The following GOLGA1 variants were observed in gnomAD, a reference collection of about 807,000 sequenced individuals.
The protein encoded by GOLGA1 is golgin A1, also known as golgin subfamily A member 1.
In GOLGA1, 63 loss-of-function variants were observed where a neutral mutation model predicts 119.7. That is an observed-to-expected ratio of 0.53 (90% CI 0.43 to 0.65). The LOEUF (loss-of-function observed/expected upper bound fraction) is 0.65. GOLGA1 is among the 30% of genes least tolerant of loss of function. The pLI is 0.00. For missense variants in GOLGA1, 798 were observed against 912.8 expected (o/e 0.87, Z 1.62); for synonymous variants, 318 against 333.4 (o/e 0.95, Z 0.50).
chr9:124,905,806 C>T (rs934530507), intron 12 of GOLGA1, among the ~76,000 whole-genome samples: 1 of 152,052 alleles, frequency 6.6e-6, no homozygotes, highest in African/African-American at 2.4e-5. Context: ...TCTAGAATAA[C>T]CAGAAATAAC....
rs1370730077 is a variant in GOLGA1, at chr9:124,879,832, A to T, written c.*698T>A. On this transcript the variant is annotated 3_prime_UTR_variant, in exon 23 of 23. Transcript: ENST00000373555. ...CCAGCAACCTATCCAAGACAAGTACATTCATTAAAAAGGCAATTGAGTGTA... is the reference window on the plus strand; with the variant it reads ...CCAGCAACCTATCCAAGACAAGTACTTTCATTAAAAAGGCAATTGAGTGTA... The T allele has an allele frequency of 6.6e-6, 1 of 152,646 alleles. No homozygotes were observed. Among genetic ancestry groups the T allele is most frequent in the Non-Finnish European group, 1.5e-5 (1 of 68,046 alleles). The allele number at this position is 152,646 out of a possible 1,614,324, so 9.5% of individuals were successfully genotyped here.
chr9:124,889,525 C>G lies in GOLGA1; in HGVS notation c.1509G>C (p.Leu503=). The change falls in exon 17 of 23, where the codon CTG becomes CTC. Residue 503 remains leucine (L), a synonymous_variant. Coordinates refer to ENST00000373555, the MANE Select transcript of GOLGA1 (RefSeq NM_002077.4). Reference sequence around the variant, plus strand: ...GTTCCTTCTCGTCTATTATGGCTGTCAGGTTAGCTGCCTTGGAGAGAAAAA... The same window carrying G: ...GTTCCTTCTCGTCTATTATGGCTGTGAGGTTAGCTGCCTTGGAGAGAAAAA... ...REEFQQQAAN[L]TAIIDEKEQN... The G allele has an allele frequency of 6.2e-7, 1 of 1,611,332 alleles. No individual in the cohort carries two copies. The highest frequency in any genetic ancestry group is 8.5e-7 in the Non-Finnish European group (1 of 1,177,424).
chr9:124,928,499 T>C (rs1830713906), intron 5 of GOLGA1, among the ~76,000 whole-genome samples: 1 of 152,214 alleles, frequency 6.6e-6, no homozygotes, highest in African/African-American at 2.4e-5. Flanking sequence ...TTATCGTTTT[T>C]GTTTTTTGTA....
intron 2 of GOLGA1, among the ~76,000 whole-genome samples, chr9:124,939,228 T>C (rs1387266749): frequency 1.3e-5 from 2 of 152,194 alleles, no homozygotes; most frequent in Non-Finnish European, 2.9e-5. Flanking sequence ...CATATATTCA[T>C]GACTTAATGA....
chr9:124,926,081 G>A (rs968545228), intron 7 of GOLGA1, among the ~76,000 whole-genome samples: 5 of 152,116 alleles, frequency 3.3e-5, no homozygotes, highest in African/African-American at 4.8e-5. Context: ...ACCGCAGCAG[G>A]AAAGAGACGG....
intron 3 of GOLGA1, among the ~76,000 whole-genome samples, chr9:124,932,999 C>T (rs1830799963): frequency 6.6e-6 from 1 of 151,880 alleles, no homozygotes. Context: ...TTTTTGGAGA[C>T]ATACATTCAG....
chr9:124,889,482 T>C lies in GOLGA1; in HGVS notation c.1552A>G (p.Thr518Ala), dbSNP rs1048803619. 11 of 1,613,738 alleles carry C rather than the reference T, an allele frequency of 6.8e-6. No homozygotes were observed. In the African/African-American group the frequency reaches 1.1e-4, roughly 16 times the overall value. ...DEKEQNLREK[T>A]EVLLQKEQEI... ...TGCTCTTTCTGGAGAAGCACTTCGG[T>C]TTTTTCCCGCAGATTCTGTTCCTTC... The change falls in exon 17 of 23, where the codon ACC (threonine) becomes GCC (alanine). Residue 518 changes from threonine to alanine, a missense_variant. By Grantham distance (58) the Thr-to-Ala change is moderately conservative. Transcript: ENST00000373555.
chr9:124,889,652 G>A (rs752120885), intron 16 of GOLGA1, 116 bp from the exon 17 acceptor site: 10 of 764,230 alleles, frequency 1.3e-5, no homozygotes, highest in Non-Finnish European at 1.9e-5. Context: ...TGAAGTCCAC[G>A]ACCCAGAGCA....
intron 12 of GOLGA1, among the ~76,000 whole-genome samples, chr9:124,903,376 G>T (rs1047533996): frequency 2.2e-4 from 34 of 152,036 alleles, no homozygotes; most frequent in African/African-American, 8.2e-4. Flanking sequence ...TACTCAGAAG[G>T]CTTAGGCACA....
At chr9:124,887,443 A>G (rs1378021766) in intron 19 of GOLGA1, 2 of 151,864 alleles carry the variant, frequency 1.3e-5, no homozygotes, top group Non-Finnish European at 2.9e-5. Flanking sequence ...TCACTGAGAC[A>G]CACATTTGTT....
rs1167530408 is a variant in GOLGA1, at chr9:124,889,127, T to G, written c.1761+16A>C. 5.6e-6 allele frequency: 9 copies of G among 1,593,740 alleles called. No homozygotes were observed. The highest frequency in any genetic ancestry group is 7.7e-6 in the Non-Finnish European group (9 of 1,167,838). On this transcript the variant is annotated intron_variant, in intron 18 of 22. Transcript: ENST00000373555. ...CATCTTGCTGTAGCACCCATGCAGG[T>G]GCAGCTGGGACTTACGTGCGACTCA...
chr9:124,916,335 A>G (rs1309399291), intron 10 of GOLGA1, among the ~76,000 whole-genome samples: 4 of 152,064 alleles, frequency 2.6e-5, no homozygotes, highest in Non-Finnish European at 4.4e-5. Flanking sequence ...AAAAGAATTA[A>G]AGTAAAATTT....
chr9:124,898,641 G>T lies in GOLGA1; in HGVS notation c.1315C>A (p.Gln439Lys). Residue 439 changes from glutamine to lysine, a missense_variant, in exon 15 of 23, where the codon CAA (glutamine) becomes AAA (lysine). Coordinates refer to ENST00000373555, the MANE Select transcript of GOLGA1 (RefSeq NM_002077.4). ...AGGGCTGCATTTTCTTGCTCCAGTTGTCTCTGCCAATTCAGAAGAACACAT... is the reference window on the plus strand; with the variant it reads ...AGGGCTGCATTTTCTTGCTCCAGTTTTCTCTGCCAATTCAGAAGAACACAT... ...DQTTAEQGMR[Q>K]LEQENAALKE... 1.9e-6 allele frequency: 3 copies of T among 1,591,020 alleles called. No homozygotes were observed. Among genetic ancestry groups the T allele is most frequent in the Non-Finnish European group, 2.6e-6 (3 of 1,159,462 alleles).
At chr9:124,900,332 T>G (rs921256347) in intron 13 of GOLGA1, 120 bp downstream of exon 13, 3 of 614,962 alleles carry the variant, frequency 4.9e-6, no homozygotes, top group Non-Finnish European at 9.0e-6. Context: ...GCACAAGAAC[T>G]GTATCTATGG....
rs142244188 is a variant in GOLGA1 at position 124,881,325 on chromosome 9, T to C, written c.2137-68A>G. On this transcript the variant is annotated intron_variant, in intron 21 of 22. Transcript: ENST00000373555. This position sits in a 1 kb window ranked among gnomAD's most constrained non-coding sequence, Gnocchi z 4.9. ...TGAGGCGGGGTGGGGTCGGGGGAGC[T>C]ACGTGGCATTTCCTGCTTGCTTTGG... is the stretch of plus-strand genomic sequence containing the variant. The C allele has an allele frequency of 1.7e-5, 15 of 867,630 alleles. No individual in the cohort carries two copies. The African/African-American group carries it at 2.0e-4, about 11-fold the overall frequency. 53.7% of individuals were successfully genotyped at this position (867,630 alleles called of 1,614,324 possible). A position where few individuals can be genotyped will look rare whatever the true frequency, so the allele number is the denominator to read the frequency against.
Position 124,928,219 on chromosome 9 carries a change from C to T in GOLGA1, c.368G>A (p.Gly123Glu), listed in dbSNP as rs1299321516. ...FQANRAKMAE[G>E]LALALARKDQ... The stretch of plus-strand genomic sequence containing the variant: ...CTTTCTGGCTAATGCCAAAGCCAGT[C>T]CTTCTGCCATTTTGGCTCTGTTGGC... The change falls in exon 6 of 23, where the codon GGA becomes GAA. Residue 123 changes from glycine (G) to glutamate (E), a missense_variant. By Grantham distance (98) the Gly-to-Glu change is moderately conservative (BLOSUM62 -2). Transcript: ENST00000373555. 1 of 1,600,822 alleles carries T rather than the reference C, an allele frequency of 6.2e-7. No homozygotes were observed. Among genetic ancestry groups the T allele is most frequent in the South Asian group, 1.1e-5 (1 of 90,642 alleles).
chr9:124,886,016 A>T (rs999975687), intron 19 of GOLGA1, among the ~76,000 whole-genome samples: 1 of 152,242 alleles, frequency 6.6e-6, no homozygotes, highest in Non-Finnish European at 1.5e-5. Flanking sequence ...GGATGCTGGT[A>T]GAGAAAGAAC....
chr9:124,943,997 T>C (rs1429774577), upstream of GOLGA1: 1 of 152,248 alleles, frequency 6.6e-6, no homozygotes, highest in African/African-American at 2.4e-5. Flanking sequence ...AACTCTACTA[T>C]GAAAATGTTA....
chr9:124,895,690 GA>G (rs1829965918), intron 15 of GOLGA1, among the ~76,000 whole-genome samples: 1 of 145,578 alleles, frequency 6.9e-6, no homozygotes, highest in South Asian at 2.2e-4. Flanking sequence ...CCACAACAGA[GA>G]ACCCTCCACA....
Sources: gnomAD v4.1 joint callset for allele counts (sites outside exome capture counted in the v4.1 genomes callset) on GRCh38, gnomAD v4.1.1 for gene constraint, Gnocchi (gnomAD v3.1) non-coding constraint, MANE v1.5 for transcripts, NCBI Gene and HGNC (gene_info 2026-07-23, HGNC 2026-07-21) for gene names.